Variants in LYPD8 observed in about 807,000 individuals in gnomAD.
LYPD8 encodes the protein ly6/PLAUR domain-containing protein 8.
A neutral mutation model predicts 1.7 loss-of-function variants in LYPD8; 8 were observed. The observed-to-expected ratio is 4.58, with a 90% CI of 2.69 to 8.27. The LOEUF (loss-of-function observed/expected upper bound fraction) is 8.27. Among genes scored for constraint, LYPD8 ranks in the 30% most tolerant of loss-of-function variants. LYPD8 has a pLI of 0.00. For missense variants in LYPD8, 112 were observed against 102.3 expected (o/e 1.09, Z -0.41); for synonymous variants, 50 against 43.6 (o/e 1.15, Z -0.58).
Position 248,739,921 on chromosome 1 carries a change from C to T in LYPD8, c.476-72G>A. The T allele has an allele frequency of 1.3e-6, 2 of 1,533,146 alleles. No individual in the cohort carries two copies. 95.0% of individuals were successfully genotyped at this position (1,533,146 alleles called of 1,614,324 possible). A position where few individuals can be genotyped will look rare whatever the true frequency, so the allele number is the denominator to read the frequency against. On this transcript the variant is annotated intron_variant, in intron 6 of 6. Coordinates refer to ENST00000590317, the MANE Select transcript of LYPD8 (RefSeq NM_001085474.2). This position sits in a 1 kb window ranked among gnomAD's most constrained non-coding sequence, Gnocchi z 4.3. ...CTTCCACCCACGCCTGCTCTTAGTTCTTCACCTGCAGCACGGTGGCCCGGT... is the reference window on the plus strand; with the variant it reads ...CTTCCACCCACGCCTGCTCTTAGTTTTTCACCTGCAGCACGGTGGCCCGGT...
Position 248,739,884 on chromosome 1 carries a change from C to T in LYPD8, c.476-35G>A. On this transcript the variant is annotated intron_variant, in intron 6 of 6. Coordinates refer to ENST00000590317, the MANE Select transcript of LYPD8 (RefSeq NM_001085474.2). The surrounding 1 kb of genome is among the most constrained non-coding windows in gnomAD (Gnocchi z 4.3). ...CAAAGGAGACAGGAGGGACGCCACT[C>T]AGTCCTTTGTCCTTCCACCCACGCC... is the stretch of plus-strand genomic sequence containing the variant. 1.9e-6 allele frequency: 3 copies of T among 1,550,644 alleles called. No individual in the cohort carries two copies. Among genetic ancestry groups the T allele is most frequent in the Non-Finnish European group, 2.6e-6 (3 of 1,146,744 alleles).
intron 4 of LYPD8, among the ~76,000 whole-genome samples, chr1:248,749,654 G>A (rs1436639605): frequency 2.0e-5 from 3 of 152,016 alleles, no homozygotes; most frequent in South Asian, 4.2e-4. Flanking sequence ...CATTCACAAG[G>A]GCGGAGTCCT....
chr1:248,749,373 T>C (rs1245034228), intron 4 of LYPD8, among the ~76,000 whole-genome samples: 2 of 152,336 alleles, frequency 1.3e-5, no homozygotes, highest in African/African-American at 4.8e-5. Flanking sequence ...TTACAGTTAA[T>C]TTTCTCAGGT....
chr1:248,739,499 C>A lies in LYPD8; in HGVS notation c.*112G>T. On this transcript the variant is annotated 3_prime_UTR_variant, in exon 7 of 7. Transcript: ENST00000590317. The surrounding 1 kb of genome is among the most constrained non-coding windows in gnomAD (Gnocchi z 4.3). Reference sequence around the variant, plus strand: ...CCTGGAGACCTGTGACTCCCACTTACTGGGCAGTTAAACGGGGCAGAGCAG... The same window carrying A: ...CCTGGAGACCTGTGACTCCCACTTAATGGGCAGTTAAACGGGGCAGAGCAG... The A allele has an allele frequency of 7.0e-7, 1 of 1,432,948 alleles. No individual in the cohort carries two copies. Among genetic ancestry groups the A allele is most frequent in the Non-Finnish European group, 9.4e-7 (1 of 1,062,834 alleles). The allele number at this position is 1,432,948 out of a possible 1,614,324, so 88.8% of individuals were successfully genotyped here.
intron 5 of LYPD8, among the ~76,000 whole-genome samples, chr1:248,746,805 G>C (rs1486575547): frequency 1.2e-3 from 6 of 5,002 alleles, no homozygotes; most frequent in Admixed American, 2.5e-3. Flanking sequence ...CCAGGGCATC[G>C]CCCGCACGGC....
chr1:248,753,159 ACAC>A (rs1378055246), intron 2 of LYPD8, among the ~76,000 whole-genome samples: 10 of 115,540 alleles, frequency 8.7e-5, no homozygotes, highest in Non-Finnish European at 1.6e-4. Context: ...AACACCCCAC[ACAC>A]CACACACACC....
intron 2 of LYPD8, among the ~76,000 whole-genome samples, chr1:248,751,872 C>G (rs1215752031): frequency 1.3e-5 from 2 of 152,156 alleles, no homozygotes; most frequent in African/African-American, 4.8e-5. Flanking sequence ...TTCCAAATAG[C>G]GTGTCACCAA....
intron 6 of LYPD8, among the ~76,000 whole-genome samples, chr1:248,740,585 C>G (rs1349724905): frequency 6.6e-6 from 1 of 152,218 alleles, no homozygotes; most frequent in Non-Finnish European, 1.5e-5. Flanking sequence ...GGCCAAGGGA[C>G]TCACGGAGGT....
At chr1:248,752,048 C>A (rs906443154) in intron 2 of LYPD8, among the ~76,000 whole-genome samples, 6 of 152,050 alleles carry the variant, frequency 3.9e-5, no homozygotes, top group Non-Finnish European at 8.8e-5. Context: ...TGGCCTGAGC[C>A]CTTCTTAATC....
chr1:248,744,628 AGTG>A (rs1553284003), intron 6 of LYPD8, among the ~76,000 whole-genome samples: 22 of 121,204 alleles, frequency 1.8e-4, no homozygotes, highest in African/African-American at 9.0e-4. Context: ...CACAATGGGT[AGTG>A]TCAAATGTGT....
intron 2 of LYPD8, among the ~76,000 whole-genome samples, chr1:248,751,846 A>G (rs1048964946): frequency 0.023 from 3,481 of 152,232 alleles, 138 homozygotes; most frequent in African/African-American, 0.079. Context: ...GCACTAAATC[A>G]GAGTCCCCCA....
chr1:248,753,032 C>CACA (rs1662844809), intron 2 of LYPD8, among the ~76,000 whole-genome samples: 1 of 126,166 alleles, frequency 7.9e-6, no homozygotes, highest in African/African-American at 3.2e-5. Context: ...ACACACCCCA[C>CACA]ACACCACACA....
At chr1:248,753,036 CCACACACACAT>C (rs1662845059) in intron 2 of LYPD8, among the ~76,000 whole-genome samples, 4 of 98,060 alleles carry the variant, frequency 4.1e-5, no homozygotes, top group African/African-American at 1.3e-4. Context: ...ACCCCACACA[CCACACACACAT>C]CACACACACA....
At chr1:248,754,257 G>A (rs941509740) in intron 2 of LYPD8, among the ~76,000 whole-genome samples, 38 of 146,758 alleles carry the variant, frequency 2.6e-4, no homozygotes, top group Non-Finnish European at 3.3e-4. Context: ...CCACACATAA[G>A]TCACACACAT....
At chr1:248,743,080 G>A (rs1317855196) in intron 6 of LYPD8, among the ~76,000 whole-genome samples, 1 of 152,014 alleles carries the variant, frequency 6.6e-6, no homozygotes, top group Non-Finnish European at 1.5e-5. Flanking sequence ...TGCGTGTCAG[G>A]TAGATGAGAA....
chr1:248,752,889 T>C (rs1473799354), intron 2 of LYPD8, among the ~76,000 whole-genome samples: 2,517 of 24,524 alleles, frequency 0.1, 211 homozygotes, highest in East Asian at 0.2. Context: ...ACACAACACA[T>C]ACACACATCA....
chr1:248,746,631 A>G (rs1662732493), intron 5 of LYPD8, among the ~76,000 whole-genome samples: 1 of 125,928 alleles, frequency 7.9e-6, no homozygotes, highest in African/African-American at 2.9e-5. Context: ...CACGGCCAGC[A>G]CCCACCCAGG....
chr1:248,750,694 G>A, intron 3 of LYPD8, 51 bp from the exon 4 acceptor site: 1 of 398,538 alleles, frequency 2.5e-6, no homozygotes, highest in South Asian at 1.3e-4. Context: ...GACATTTATA[G>A]AGCATACTCT....
rs1158159245 is a variant in LYPD8 at position 248,753,186 on chromosome 1, ACAC to A, written c.-50+2050_-50+2052del. ...ACCACACACACCACATCACACACAC[ACAC>A]CACATCACACCCCACACAACACACA... On this transcript the variant is annotated intron_variant, in intron 2 of 6. Transcript: ENST00000590317. Among the ~76,000 whole-genome samples, 257 of 82,184 alleles carry A rather than the reference ACAC, an allele frequency of 3.1e-3. 8 individuals are homozygous for A. Among genetic ancestry groups the A allele is most frequent in the African/African-American group, 0.011 (213 of 18,650 alleles). The allele number at this position is 82,184 out of a possible 152,430, so 53.9% of individuals were successfully genotyped here.
Sources: allele counts gnomAD v4.1 joint callset (sites outside exome capture counted in the v4.1 genomes callset), GRCh38; gene constraint gnomAD v4.1.1; non-coding constraint Gnocchi (gnomAD v3.1); transcripts MANE v1.5; gene names NCBI Gene and HGNC (gene_info 2026-07-23, HGNC 2026-07-21).